The following MAP3K9 variants were observed in gnomAD, a reference collection of about 807,000 sequenced individuals.
The protein encoded by MAP3K9 is mixed lineage kinase 1 (tyr and ser/thr specificity).
Under a neutral mutation model 95.8 loss-of-function variants are expected in MAP3K9, and 46 were observed. The observed-to-expected ratio is 0.48, with a 90% CI of 0.38 to 0.61. MAP3K9 has a LOEUF of 0.61. Among genes scored for constraint, MAP3K9 ranks in the 20% least tolerant of loss-of-function variants. The pLI, the probability that MAP3K9 is intolerant of heterozygous loss-of-function variation, is 0.00. For synonymous variants in MAP3K9, 533 were observed against 593.8 expected (o/e 0.90, Z 1.49); for missense variants, 1,296 against 1,474.3 (o/e 0.88, Z 1.98).
intron 2 of MAP3K9, among the ~76,000 whole-genome samples, chr14:70,799,823 C>T (rs935836934): frequency 6.6e-6 from 1 of 152,136 alleles, no homozygotes; most frequent in Non-Finnish European, 1.5e-5. Context: ...AACTCAAATG[C>T]CCTCCTCTCT....
Position 70,808,995 on chromosome 14 carries a change from G to T in MAP3K9, c.177C>A (p.Ala59=), listed in dbSNP as rs1380847384. ...CGCCCGCCGCCTCGTACTCGAACAC[G>T]GCCGTCCAGTAGGGCAGCGGCGCGT... The part of the protein sequence containing the change: ...GCDAPLPYWT[A]VFEYEAAGED... Residue 59 remains alanine (A), a synonymous_variant, in exon 1 of 12, where the codon GCC becomes GCA. Coordinates refer to ENST00000554752, the MANE Select transcript of MAP3K9 (RefSeq NM_001284230.2). 8 of 1,551,992 alleles carry T rather than the reference G, an allele frequency of 5.2e-6. No individual in the cohort carries two copies. Among genetic ancestry groups the T allele is most frequent in the Non-Finnish European group, 6.9e-6 (8 of 1,156,248 alleles).
At chr14:70,800,579 G>A (rs2054916378) in intron 2 of MAP3K9, 88 bp downstream of exon 2, 1 of 1,345,968 alleles carries the variant, frequency 7.4e-7, no homozygotes, top group African/African-American at 1.5e-5. Context: ...TGCCCTCTAA[G>A]GTTCCATTAG....
In MAP3K9 at chr14:70,724,590, A is replaced by AT. The variant is rs1431327024; in HGVS notation, c.*5789dup. On this transcript the variant is annotated 3_prime_UTR_variant, in exon 12 of 12. Coordinates refer to ENST00000554752, the MANE Select transcript of MAP3K9 (RefSeq NM_001284230.2). ...AAGGTAAATCATATTGCAATGCAGTATTTTTTAAAAATCAGAGTTATTGAA... is the reference window on the plus strand; with the variant it reads ...AAGGTAAATCATATTGCAATGCAGTATTTTTTTAAAAATCAGAGTTATTGAA... The AT allele has an allele frequency of 6.6e-6, 1 of 152,122 alleles. No homozygotes were observed. The highest frequency in any genetic ancestry group is 2.4e-5 in the African/African-American group (1 of 41,426). 9.4% of individuals were successfully genotyped at this position (152,122 alleles called of 1,614,324 possible). A position where few individuals can be genotyped will look rare whatever the true frequency, so the allele number is the denominator to read the frequency against.
chr14:70,731,007 G>A (rs2053894817), intron 11 of MAP3K9, 143 bp from the exon 12 acceptor site: 1 of 861,734 alleles, frequency 1.2e-6, no homozygotes, highest in South Asian at 1.8e-5. Context: ...CACCTACTGG[G>A]AGGCACTGGG....
chr14:70,766,959 A>AT (rs1164842709), intron 2 of MAP3K9, among the ~76,000 whole-genome samples: 3 of 152,338 alleles, frequency 2.0e-5, no homozygotes, highest in Non-Finnish European at 2.9e-5. Context: ...TGCTGCATAT[A>AT]TATGGGTGTC....
intron 9 of MAP3K9, 69 bp from the exon 10 acceptor site, chr14:70,734,567 G>A: frequency 3.5e-6 from 3 of 851,504 alleles, no homozygotes; most frequent in Non-Finnish European, 3.8e-6. Context: ...AGCTCCATGG[G>A]TCTATGGAGA....
chr14:70,807,414 C>T (rs566274824), intron 1 of MAP3K9, among the ~76,000 whole-genome samples: 10 of 152,148 alleles, frequency 6.6e-5, no homozygotes, highest in South Asian at 2.1e-4. Flanking sequence ...TGCTTGAACC[C>T]GGGAGGCAGA....
In MAP3K9 at chr14:70,726,658, A is replaced by G. The variant is rs2053824448; in HGVS notation, c.*3722T>C. On this transcript the variant is annotated 3_prime_UTR_variant, in exon 12 of 12. Coordinates refer to ENST00000554752, the MANE Select transcript of MAP3K9 (RefSeq NM_001284230.2). ...AATGCGGCAGAAGGGCATGGGCCCG[A>G]CCAGGGCCCCCATTAGTCATGCTCA... 1 of 152,288 alleles carries G rather than the reference A, an allele frequency of 6.6e-6. No individual in the cohort carries two copies. Among genetic ancestry groups the G allele is most frequent in the African/African-American group, 2.4e-5 (1 of 41,472 alleles). The allele number at this position is 152,288 out of a possible 1,614,324, so 9.4% of individuals were successfully genotyped here.
chr14:70,807,480 T>C (rs1167289139), intron 1 of MAP3K9, among the ~76,000 whole-genome samples: 1 of 152,084 alleles, frequency 6.6e-6, no homozygotes, highest in Non-Finnish European at 1.5e-5. Context: ...ACAACGAGAC[T>C]GTCTCAAAAA....
rs918341001 is a variant in MAP3K9 at position 70,730,370 on chromosome 14, C to T, written c.*10G>A. 1 of 1,595,264 alleles carries T rather than the reference C, an allele frequency of 6.3e-7. No individual in the cohort carries two copies. The highest frequency in any genetic ancestry group is 1.1e-5 in the South Asian group (1 of 90,116). ...GGCTGTCCCCCTTGCCCGCCCCAAT[C>T]CTTTTCGTGCTAAGACCAGAACTCC... On this transcript the variant is annotated 3_prime_UTR_variant, in exon 12 of 12. Coordinates refer to ENST00000554752, the MANE Select transcript of MAP3K9 (RefSeq NM_001284230.2).
intron 3 of MAP3K9, among the ~76,000 whole-genome samples, chr14:70,759,234 G>C (rs1363807594): frequency 6.6e-6 from 1 of 151,986 alleles, no homozygotes; most frequent in Non-Finnish European, 1.5e-5. Flanking sequence ...GATTGCTTTG[G>C]ATCAGTTCAA....
chr14:70,803,337 T>TAAAAA (rs10583563), intron 1 of MAP3K9, among the ~76,000 whole-genome samples: 106 of 75,154 alleles, frequency 1.4e-3, no homozygotes, highest in Non-Finnish European at 2.3e-3. Context: ...ATTCAGATCT[T>TAAAAA]AAAAAAAAAA....
intron 1 of MAP3K9, among the ~76,000 whole-genome samples, chr14:70,801,591 C>T (rs1206557440): frequency 6.6e-6 from 1 of 152,166 alleles, no homozygotes; most frequent in African/African-American, 2.4e-5. Flanking sequence ...TTACTGTGTA[C>T]TCAGTGGTGA....
At position 70,730,188 on chromosome 14, in the gene MAP3K9, G is replaced by A; in HGVS notation, c.*192C>T. On this transcript the variant is annotated 3_prime_UTR_variant, in exon 12 of 12. Transcript: ENST00000554752. ...GGCCACAGCCCCTCCAGTGGACACGGGTAGAAAGGCCCTGCAGGGCAGGAG... is the reference window on the plus strand; with the variant it reads ...GGCCACAGCCCCTCCAGTGGACACGAGTAGAAAGGCCCTGCAGGGCAGGAG... The A allele has an allele frequency of 1.3e-6, 1 of 779,582 alleles. No homozygotes were observed. Among genetic ancestry groups the A allele is most frequent in the Admixed American group, 3.0e-5 (1 of 33,450 alleles). The allele number at this position is 779,582 out of a possible 1,614,324, so 48.3% of individuals were successfully genotyped here.
chr14:70,799,445 T>C (rs1428976534), intron 2 of MAP3K9, among the ~76,000 whole-genome samples: 1 of 152,202 alleles, frequency 6.6e-6, no homozygotes. Context: ...GTTCACACCA[T>C]TCTCCTGCCT....
intron 3 of MAP3K9, among the ~76,000 whole-genome samples, chr14:70,752,045 T>A (rs1346314952): frequency 6.6e-6 from 1 of 152,242 alleles, no homozygotes; most frequent in African/African-American, 2.4e-5. Context: ...ATTCATCAGA[T>A]GACGGCTTTA....
intron 3 of MAP3K9, among the ~76,000 whole-genome samples, chr14:70,759,808 G>A (rs1380596733): frequency 6.6e-6 from 1 of 152,184 alleles, no homozygotes; most frequent in East Asian, 1.9e-4. Context: ...AGGCTGAAGT[G>A]CAGTGGTGCA....
At chr14:70,745,479 T>C (rs1165430859) in intron 5 of MAP3K9, among the ~76,000 whole-genome samples, 2 of 152,190 alleles carry the variant, frequency 1.3e-5, no homozygotes, top group African/African-American at 4.8e-5. Flanking sequence ...GTCTCACGCC[T>C]GTAATCCCAG....
At chr14:70,783,375 C>G (rs1035864721) in intron 2 of MAP3K9, 1 of 985,264 alleles carries the variant, frequency 1.0e-6, no homozygotes, top group East Asian at 1.1e-4. Flanking sequence ...TCAAATACCC[C>G]TTTTTAATTC....
Sources: gnomAD v4.1 joint callset for allele counts (sites outside exome capture counted in the v4.1 genomes callset) on GRCh38, gnomAD v4.1.1 for gene constraint, MANE v1.5 for transcripts, NCBI Gene and HGNC (gene_info 2026-07-23, HGNC 2026-07-21) for gene names.